The following COLEC12 variants were observed in gnomAD, a reference collection of about 807,000 sequenced individuals.
COLEC12 encodes collectin-12.
COLEC12 carries 33 observed loss-of-function variants against 71.1 expected under a neutral mutation model. That is an observed-to-expected ratio of 0.46 (90% CI 0.35 to 0.62). The LOEUF is 0.62. Among genes scored for constraint, COLEC12 ranks in the 20% least tolerant of loss-of-function variants. COLEC12 has a pLI of 0.00. For missense variants in COLEC12, 765 were observed against 916.1 expected (o/e 0.84, Z 2.13); for synonymous variants, 350 against 353.0 (o/e 0.99, Z 0.10).
chr18:469,399 A>T (rs1446104073), intron 2 of COLEC12, among the ~76,000 whole-genome samples: 3 of 152,208 alleles, frequency 2.0e-5, no homozygotes, highest in Admixed American at 6.5e-5. Context: ...ATTTTTTATT[A>T]CATGTGAAAT....
rs1914656958 is a variant in COLEC12, at chr18:357,596, T to A, written c.59-74A>T. On this transcript the variant is annotated intron_variant, in intron 2 of 9. Coordinates refer to ENST00000400256, the MANE Select transcript of COLEC12 (RefSeq NM_130386.3). ...AAAATTTATCTTTTTGCATTTAGGTTCAAATATTGGGACTAAGAATAATTT... is the reference window on the plus strand; with the variant it reads ...AAAATTTATCTTTTTGCATTTAGGTACAAATATTGGGACTAAGAATAATTT... 5.6e-6 allele frequency: 7 copies of A among 1,259,398 alleles called. No individual in the cohort carries two copies. In the Middle Eastern group the frequency reaches 1.1e-3, roughly 198 times the overall value. 78.0% of individuals were successfully genotyped at this position (1,259,398 alleles called of 1,614,324 possible). A position where few individuals can be genotyped will look rare whatever the true frequency, so the allele number is the denominator to read the frequency against.
At chr18:406,708 C>T (rs1437521242) in intron 2 of COLEC12, among the ~76,000 whole-genome samples, 2 of 152,190 alleles carry the variant, frequency 1.3e-5, no homozygotes, top group East Asian at 3.9e-4. Flanking sequence ...GACCCTTTTC[C>T]TGTAACAACT....
Position 359,322 on chromosome 18 carries a change from T to G in COLEC12, c.59-1800A>C, listed in dbSNP as rs1452205505. ...CATTCCCTGGCCGCAAACAACTAGT[T>G]TACCGGCATGCCACTGGTTGTAATG... On this transcript the variant is annotated intron_variant, in intron 2 of 9. Transcript: ENST00000400256. Among the ~76,000 whole-genome samples, 11 of 152,186 alleles carry G rather than the reference T, an allele frequency of 7.2e-5. No homozygotes were observed. In the East Asian group the frequency reaches 2.1e-3, roughly 29 times the overall value.
chr18:426,552 G>T (rs1182195553), intron 2 of COLEC12, among the ~76,000 whole-genome samples: 2 of 152,126 alleles, frequency 1.3e-5, no homozygotes, highest in African/African-American at 4.8e-5. Flanking sequence ...ATTCCTGACC[G>T]CTTCTATATG....
intron 6 of COLEC12, 178 bp downstream of exon 6, chr18:334,564 G>T (rs949576203): frequency 4.6e-6 from 2 of 436,054 alleles, no homozygotes; most frequent in Admixed American, 4.4e-5. Context: ...GGATGTGGAG[G>T]TTGCAGTGAG....
chr18:360,276 G>A (rs1026902547), intron 2 of COLEC12, among the ~76,000 whole-genome samples: 3 of 151,148 alleles, frequency 2.0e-5, no homozygotes, highest in East Asian at 1.9e-4. Flanking sequence ...TCTGCCTCCC[G>A]GGTTCAAGTG....
intron 2 of COLEC12, among the ~76,000 whole-genome samples, chr18:381,850 T>C (rs1395848339): frequency 6.6e-6 from 1 of 152,168 alleles, no homozygotes; most frequent in African/African-American, 2.4e-5. Flanking sequence ...ATGATATACA[T>C]AGTTTCAAGT....
At chr18:402,326 C>A (rs1915704120) in intron 2 of COLEC12, among the ~76,000 whole-genome samples, 1 of 152,008 alleles carries the variant, frequency 6.6e-6, no homozygotes, top group African/African-American at 2.4e-5. Flanking sequence ...GGGAGGGGAC[C>A]AATCAGAGGT....
At chr18:453,377 G>GGAGGAA (rs1168442267) in intron 2 of COLEC12, among the ~76,000 whole-genome samples, 1 of 152,140 alleles carries the variant, frequency 6.6e-6, no homozygotes, top group Non-Finnish European at 1.5e-5. Context: ...TGAGGAAGGA[G>GGAGGAA]GAGGAAGAGG....
At chr18:404,114 T>C (rs964789147) in intron 2 of COLEC12, among the ~76,000 whole-genome samples, 2 of 152,248 alleles carry the variant, frequency 1.3e-5, no homozygotes, top group Non-Finnish European at 2.9e-5. Flanking sequence ...TGTGCGAGTA[T>C]AATATAGGAA....
chr18:348,100 T>A lies in COLEC12; in HGVS notation c.245A>T (p.Lys82Met). Reference sequence around the variant, plus strand: ...CAGGTCACTTTCCACTGCTGTGAGCTTGTCATCATAGGTTTGGCGAGATGT... The same window carrying A: ...CAGGTCACTTTCCACTGCTGTGAGCATGTCATCATAGGTTTGGCGAGATGT... ...METSRQTYDD[K>M]LTAVESDLKK... Residue 82 changes from lysine (K) to methionine (M), a missense_variant, in exon 4 of 10, where the codon AAG becomes ATG. Physicochemically the swap from Lys to Met is moderately conservative, Grantham distance 95 (BLOSUM62 -1). Coordinates refer to ENST00000400256, the MANE Select transcript of COLEC12 (RefSeq NM_130386.3). The A allele has an allele frequency of 6.2e-7, 1 of 1,614,000 alleles. No individual in the cohort carries two copies. The highest frequency in any genetic ancestry group is 8.5e-7 in the Non-Finnish European group (1 of 1,179,886).
intron 1 of COLEC12, among the ~76,000 whole-genome samples, chr18:485,210 C>T (rs1349020650): frequency 1.3e-5 from 2 of 152,198 alleles, no homozygotes; most frequent in Non-Finnish European, 2.9e-5. Flanking sequence ...TCGGGGCCTG[C>T]AAAAGTGATG....
At chr18:437,129 G>A (rs1156556217) in intron 2 of COLEC12, among the ~76,000 whole-genome samples, 1 of 152,172 alleles carries the variant, frequency 6.6e-6, no homozygotes, top group East Asian at 1.9e-4. Context: ...AGGCTGTCTT[G>A]GCCCAACCAA....
rs535934109 is a variant in COLEC12 at position 356,195 on chromosome 18, T to C, written c.181+1205A>G. ...AGATATGATTTCCTGGGACCAGCTATAGGAGAGATTCTTCAATTACATCAT... is the reference window on the plus strand; with the variant it reads ...AGATATGATTTCCTGGGACCAGCTACAGGAGAGATTCTTCAATTACATCAT... On this transcript the variant is annotated intron_variant, in intron 3 of 9. Coordinates refer to ENST00000400256, the MANE Select transcript of COLEC12 (RefSeq NM_130386.3). Among the ~76,000 whole-genome samples, 278 of 152,252 alleles carry C rather than the reference T, an allele frequency of 1.8e-3. 2 individuals are homozygous for C. The highest frequency in any genetic ancestry group is 3.1e-3 in the Non-Finnish European group (212 of 68,026).
At position 500,572 on chromosome 18, in the gene COLEC12, A is replaced by G; in HGVS notation, c.-58T>C. The G allele has an allele frequency of 8.3e-7, 1 of 1,210,934 alleles. No homozygotes were observed. Among genetic ancestry groups the G allele is most frequent in the Non-Finnish European group, 1.0e-6 (1 of 974,428 alleles). 75.0% of individuals were successfully genotyped at this position (1,210,934 alleles called of 1,614,324 possible). A position where few individuals can be genotyped will look rare whatever the true frequency, so the allele number is the denominator to read the frequency against. On this transcript the variant is annotated 5_prime_UTR_variant, in exon 1 of 10. Transcript: ENST00000400256. The surrounding 1 kb of genome is among the most constrained non-coding windows in gnomAD (Gnocchi z 5.3). ...GCTCCGCGCGAGCGCCGCGCAGCCG[A>G]GGAAGTCGTCCCGAGCGGCTGCTCA...
intron 2 of COLEC12, among the ~76,000 whole-genome samples, chr18:379,273 C>T (rs1915180825): frequency 6.6e-6 from 1 of 152,022 alleles, no homozygotes; most frequent in Non-Finnish European, 1.5e-5. Flanking sequence ...CAGGCACATG[C>T]CACCATATCC....
Position 376,502 on chromosome 18 carries a change from T to C in COLEC12, c.59-18980A>G, listed in dbSNP as rs117400920. The stretch of plus-strand genomic sequence containing the variant: ...TTTGGCACGTTGCACTGTAGTAGAG[T>C]TGGCAAGAAGCGGACAGACTGCATG... On this transcript the variant is annotated intron_variant, in intron 2 of 9. Coordinates refer to ENST00000400256, the MANE Select transcript of COLEC12 (RefSeq NM_130386.3). 6.6e-3 allele frequency among the ~76,000 whole-genome samples: 1,005 copies of C among 152,262 alleles called. 5 individuals carry two copies. Among genetic ancestry groups the C allele is most frequent in the South Asian group, 0.026 (123 of 4,808 alleles).
intron 2 of COLEC12, among the ~76,000 whole-genome samples, chr18:431,936 A>G (rs72863575): frequency 0.054 from 8,211 of 152,274 alleles, 442 homozygotes; most frequent in African/African-American, 0.14. Flanking sequence ...CAAAGAGGTA[A>G]ATCCCATATT....
chr18:368,685 A>G (rs1914916432), intron 2 of COLEC12, among the ~76,000 whole-genome samples: 1 of 149,998 alleles, frequency 6.7e-6, no homozygotes, highest in Non-Finnish European at 1.5e-5. Context: ...TAACATGGTG[A>G]AACCCCGTCT....
Sources: gnomAD v4.1 joint callset for allele counts (sites outside exome capture counted in the v4.1 genomes callset) on GRCh38, gnomAD v4.1.1 for gene constraint, Gnocchi (gnomAD v3.1) non-coding constraint, MANE v1.5 for transcripts, NCBI Gene and HGNC (gene_info 2026-07-23, HGNC 2026-07-21) for gene names.